The following AGTPBP1 variants were observed in gnomAD, a reference collection of about 807,000 sequenced individuals.
AGTPBP1 encodes the protein ATP/GTP binding carboxypeptidase 1.
AGTPBP1 carries 70 observed loss-of-function variants against 143.9 expected under a neutral mutation model. That is an observed-to-expected ratio of 0.49 (90% CI 0.40 to 0.59). AGTPBP1 has a LOEUF of 0.59. Ranked by LOEUF, AGTPBP1 falls within the 20% of genes least tolerant of loss-of-function variation. The pLI is 0.00. For missense variants in AGTPBP1, 1,229 were observed against 1,464.5 expected (o/e 0.84, Z 2.62); for synonymous variants, 463 against 500.2 (o/e 0.93, Z 0.99).
chr9:85,699,486 T>C (rs1836504945), intron 2 of AGTPBP1, among the ~76,000 whole-genome samples: 1 of 152,058 alleles, frequency 6.6e-6, no homozygotes, highest in Admixed American at 6.6e-5. Flanking sequence ...GCAAGGGATA[T>C]AAAACCTATA....
intron 7 of AGTPBP1, among the ~76,000 whole-genome samples, chr9:85,671,005 A>G (rs1834445158): frequency 6.6e-6 from 1 of 152,120 alleles, no homozygotes; most frequent in Non-Finnish European, 1.5e-5. Flanking sequence ...GCAGTGGTGC[A>G]GTCATGGCTC....
chr9:85,787,308 A>G, the AGTPBP1 span, among the ~76,000 whole-genome samples: 1 of 152,248 alleles, frequency 6.6e-6, no homozygotes, highest in South Asian at 2.1e-4. Flanking sequence ...ATGCTGTTCC[A>G]TGGAACACGG....
At chr9:85,654,837 T>A (rs1833395667) in intron 11 of AGTPBP1, among the ~76,000 whole-genome samples, 1 of 151,550 alleles carries the variant, frequency 6.6e-6, no homozygotes, top group African/African-American at 2.4e-5. Context: ...AGCAAGACTC[T>A]GTCTCAAAAA....
At chr9:85,591,281 T>A (rs891412078) in intron 19 of AGTPBP1, among the ~76,000 whole-genome samples, 1 of 151,998 alleles carries the variant, frequency 6.6e-6, no homozygotes, top group Non-Finnish European at 1.5e-5. Flanking sequence ...CTAAAGAGTT[T>A]TAAGCAGGGT....
chr9:85,553,229 GA>G (rs1211749730), intron 25 of AGTPBP1, among the ~76,000 whole-genome samples: 1 of 151,626 alleles, frequency 6.6e-6, no homozygotes, highest in East Asian at 1.9e-4. Flanking sequence ...TGTCTATTTG[GA>G]AAAAAAAGAA....
chr9:85,612,684 G>A (rs1003771254), intron 17 of AGTPBP1, among the ~76,000 whole-genome samples: 1 of 152,074 alleles, frequency 6.6e-6, no homozygotes, highest in Admixed American at 6.5e-5. Flanking sequence ...CTGTAGTGAG[G>A]GGCAGTCGTG....
Position 85,633,237 on chromosome 9 carries a change from G to A in AGTPBP1, c.1440C>T (p.Asn480=), listed in dbSNP as rs369513826. ...GNLRKVVMKE[N]ISSKGDEGEK... is the part of the protein sequence containing the mutation. The stretch of plus-strand genomic sequence containing the variant: ...CACCTTCATCTCCTTTAGAAGATAT[G>A]TTCTCCTTCATTACAACTTTTCTTA... Residue 480 remains asparagine (N), a synonymous_variant, in exon 14 of 26, where the codon AAC becomes AAT. Transcript: ENST00000357081. The A allele has an allele frequency of 1.1e-5, 18 of 1,613,768 alleles. No individual in the cohort carries two copies. In the African/African-American group the frequency reaches 2.1e-4, roughly 19 times the overall value.
At position 85,598,431 on chromosome 9, in the gene AGTPBP1, C is replaced by A. The variant is rs1214042294; in HGVS notation, c.2336-1982G>T. Among the ~76,000 whole-genome samples, 11 of 152,274 alleles carry A rather than the reference C, an allele frequency of 7.2e-5. No individual in the cohort carries two copies. The East Asian group carries it at 2.1e-3, about 29-fold the overall frequency. ...ATGGGATCCTAGTGAATCAAACAAT[C>A]AATCTTGTTGATTATATTATTCAAA... On this transcript the variant is annotated intron_variant, in intron 17 of 25. Coordinates refer to ENST00000357081, the MANE Select transcript of AGTPBP1 (RefSeq NM_001330701.2).
intron 9 of AGTPBP1, among the ~76,000 whole-genome samples, chr9:85,660,397 A>G (rs1190885556): frequency 6.6e-6 from 1 of 152,212 alleles, no homozygotes; most frequent in Non-Finnish European, 1.5e-5. Flanking sequence ...CCAAAAGCAT[A>G]AGACATATCT....
At chr9:85,778,673 C>T in the AGTPBP1 span, among the ~76,000 whole-genome samples, 3 of 152,206 alleles carry the variant, frequency 2.0e-5, no homozygotes, top group African/African-American at 7.2e-5. Flanking sequence ...GGCATTGTGC[C>T]TCTTTCTTGG....
intron 9 of AGTPBP1, 36 bp from the exon 10 acceptor site, chr9:85,657,679 A>T: frequency 6.6e-7 from 1 of 1,506,104 alleles, no homozygotes; most frequent in Non-Finnish European, 9.1e-7. Flanking sequence ...AATATTTTTT[A>T]AATGACGAGA....
chr9:85,789,405 A>C, the AGTPBP1 span, among the ~76,000 whole-genome samples: 2 of 152,084 alleles, frequency 1.3e-5, no homozygotes, highest in Non-Finnish European at 2.9e-5. Context: ...GCCCTTTTGC[A>C]TGTATATAAA....
At chr9:85,566,214 G>A (rs1350038918) in intron 25 of AGTPBP1, among the ~76,000 whole-genome samples, 1 of 152,060 alleles carries the variant, frequency 6.6e-6, no homozygotes, top group Non-Finnish European at 1.5e-5. Flanking sequence ...TGAGCAAAAG[G>A]CTTCTCTTAA....
chr9:85,619,012 C>T lies in AGTPBP1; in HGVS notation c.2306G>A (p.Cys769Tyr). The T allele has an allele frequency of 6.2e-7, 1 of 1,613,294 alleles. No individual in the cohort carries two copies. Among genetic ancestry groups the T allele is most frequent in the Non-Finnish European group, 8.5e-7 (1 of 1,179,696 alleles). Residue 769 changes from cysteine (C) to tyrosine (Y), a missense_variant, in exon 17 of 26, where the codon TGT becomes TAT. Physicochemically the swap from Cys to Tyr is radical, Grantham distance 194 (BLOSUM62 -2). This residue lies in a region of AGTPBP1 where 486 missense variants were observed against 652.3 expected (regional missense o/e 0.75). Coordinates refer to ENST00000357081, the MANE Select transcript of AGTPBP1 (RefSeq NM_001330701.2). Reference protein sequence around the residue: ...GVAYRFNIINCEKSNSQFNYG... With the variant: ...GVAYRFNIINYEKSNSQFNYG... ...ATTAAACTGACTGTTGGACTTTTCA[C>T]AGTTAATGATGTTAAACCTGTAAGC...
At chr9:85,635,122 G>A (rs369801415) in intron 13 of AGTPBP1, among the ~76,000 whole-genome samples, 5 of 151,602 alleles carry the variant, frequency 3.3e-5, no homozygotes, top group Admixed American at 6.6e-5. Flanking sequence ...CTTTTTTTAC[G>A]GTATAAATTT....
chr9:85,668,950 A>AATAC (rs1422593121), intron 8 of AGTPBP1, among the ~76,000 whole-genome samples: 1 of 143,924 alleles, frequency 6.9e-6, no homozygotes, highest in Non-Finnish European at 1.5e-5. Flanking sequence ...AATGAATAAA[A>AATAC]ATACATACAT....
At chr9:85,642,776 A>C in intron 13 of AGTPBP1, 51 bp downstream of exon 13, 1 of 1,419,948 alleles carries the variant, frequency 7.0e-7, no homozygotes, top group Non-Finnish European at 9.7e-7. Flanking sequence ...AGGGAAAAAA[A>C]ATAACTTTTT....
the AGTPBP1 span, among the ~76,000 whole-genome samples, chr9:85,772,221 G>A: frequency 4.0e-5 from 6 of 151,794 alleles, no homozygotes; most frequent in African/African-American, 7.3e-5. Context: ...TGATCCTCCC[G>A]CCTCGGCCTC....
At chr9:85,784,137 G>C in the AGTPBP1 span, among the ~76,000 whole-genome samples, 1 of 152,076 alleles carries the variant, frequency 6.6e-6, no homozygotes. Context: ...ACCTATCCTT[G>C]TATCAATTTA....
Sources: allele counts gnomAD v4.1 joint callset (sites outside exome capture counted in the v4.1 genomes callset), GRCh38; gene constraint gnomAD v4.1.1; regional missense constraint gnomAD v4.1.1; transcripts MANE v1.5; gene names NCBI Gene and HGNC (gene_info 2026-07-23, HGNC 2026-07-21).